SH3PXD2B: variants seen among roughly 807,000 people sequenced by gnomAD.
SH3PXD2B encodes the protein SH3 and PX domain-containing protein 2B.
In SH3PXD2B, 37 loss-of-function variants were observed where a neutral mutation model predicts 73.1. The observed-to-expected ratio is 0.51, with a 90% confidence interval of 0.39 to 0.67. The LOEUF (loss-of-function observed/expected upper bound fraction) is 0.67. SH3PXD2B is among the 30% of genes least tolerant of loss of function. The probability of loss-of-function intolerance (pLI) is 0.00; values close to 1 mark genes in which losing one functional copy is unlikely to be tolerated. For missense variants in SH3PXD2B, 1,053 were observed against 1,197.8 expected (o/e 0.88, Z 1.78); for synonymous variants, 457 against 480.5 (o/e 0.95, Z 0.64).
rs150202442 is a variant in SH3PXD2B at position 172,381,883 on chromosome 5, C to G, written c.401+153G>C. ...CAAACGGACGATCGCTACCCACTTA[C>G]AGCAACTCTGAAGGCTAAGTGAAGT... On this transcript the variant is annotated intron_variant, in intron 5 of 12. Transcript: ENST00000311601. The G allele has an allele frequency of 3.7e-4, 228 of 613,338 alleles. No individual in the cohort carries two copies. The African/African-American group carries it at 3.9e-3, about 10-fold the overall frequency. 38.0% of individuals were successfully genotyped at this position (613,338 alleles called of 1,614,324 possible). A position where few individuals can be genotyped will look rare whatever the true frequency, so the allele number is the denominator to read the frequency against.
At chr5:172,327,638 G>A (rs576838911) in intron 12 of SH3PXD2B, among the ~76,000 whole-genome samples, 5 of 152,140 alleles carry the variant, frequency 3.3e-5, no homozygotes, top group African/African-American at 1.2e-4. Context: ...AACCAGACTG[G>A]AGTACAGTGG....
chr5:172,409,290 G>A (rs528103075), intron 2 of SH3PXD2B, among the ~76,000 whole-genome samples: 20 of 152,218 alleles, frequency 1.3e-4, no homozygotes, highest in African/African-American at 4.6e-4. Context: ...ACTGAGGCAG[G>A]AGAATTGCTT....
At position 172,346,327 on chromosome 5, in the gene SH3PXD2B, G is replaced by A. The variant is rs1157858926; in HGVS notation, c.1063-66C>T. 2.5e-6 allele frequency: 4 copies of A among 1,608,554 alleles called. No individual in the cohort carries two copies. In the African/African-American group the frequency reaches 5.3e-5, roughly 21 times the overall value. On this transcript the variant is annotated intron_variant, in intron 11 of 12. Transcript: ENST00000311601. ...CACTCCTGCGACCCTGTGTCAGGGG[G>A]AGTCTAAGGGCCTGGGGCATGCAAT...
chr5:172,369,462 G>T (rs1006461129), intron 6 of SH3PXD2B, among the ~76,000 whole-genome samples: 6 of 152,042 alleles, frequency 3.9e-5, no homozygotes, highest in African/African-American at 1.4e-4. Context: ...TCTGAATGAA[G>T]GAAGGAACAG....
chr5:172,406,146 A>G (rs1758550697), intron 3 of SH3PXD2B, 131 bp downstream of exon 3: 10 of 1,077,666 alleles, frequency 9.3e-6, no homozygotes, highest in Non-Finnish European at 1.4e-5. Flanking sequence ...ATTTCTACAA[A>G]TGGCTGAGAT....
intron 1 of SH3PXD2B, among the ~76,000 whole-genome samples, chr5:172,447,535 T>G (rs1196792014): frequency 1.3e-5 from 2 of 152,198 alleles, no homozygotes; most frequent in Admixed American, 6.5e-5. Flanking sequence ...CTAGGCCCCT[T>G]TAACTCTCAC....
At chr5:172,399,039 C>T (rs1758370917) in intron 3 of SH3PXD2B, among the ~76,000 whole-genome samples, 1 of 152,190 alleles carries the variant, frequency 6.6e-6, no homozygotes, top group African/African-American at 2.4e-5. Context: ...ATTGGACAGG[C>T]TCAGTGTAGA....
chr5:172,439,293 C>CAAAAAAAAAAAAAAAAAAAAAAAA (rs1233319484), intron 1 of SH3PXD2B, among the ~76,000 whole-genome samples: 1 of 61,590 alleles, frequency 1.6e-5, no homozygotes, highest in African/African-American at 8.3e-5. Flanking sequence ...AAAAAAAAAC[C>CAAAAAAAAAAAAAAAAAAAAAAAA]CCAAAAAAAA....
chr5:172,348,598 C>T (rs1757048729), intron 10 of SH3PXD2B, among the ~76,000 whole-genome samples: 1 of 151,314 alleles, frequency 6.6e-6, no homozygotes, highest in Non-Finnish European at 1.5e-5. Flanking sequence ...AGGGGGGTGT[C>T]TTTGTTTTAG....
In SH3PXD2B at chr5:172,333,858, C is replaced by T. The variant is rs1025708584; in HGVS notation, c.*4511G>A. On this transcript the variant is annotated 3_prime_UTR_variant, in exon 13 of 13. Transcript: ENST00000311601. ...AATCAAGGTGGCCACAGTTTATCATCACCCCTCTAAGTGAAAGGGGCGCTA... is the reference window on the plus strand; with the variant it reads ...AATCAAGGTGGCCACAGTTTATCATTACCCCTCTAAGTGAAAGGGGCGCTA... The T allele has an allele frequency of 6.2e-6, 8 of 1,283,986 alleles. No individual in the cohort carries two copies. The African/African-American group carries it at 1.2e-4, about 20-fold the overall frequency. 79.5% of individuals were successfully genotyped at this position (1,283,986 alleles called of 1,614,324 possible).
chr5:172,357,759 C>T (rs1045863090), intron 8 of SH3PXD2B, among the ~76,000 whole-genome samples: 1 of 152,222 alleles, frequency 6.6e-6, no homozygotes, highest in African/African-American at 2.4e-5. Context: ...AGATGTTTTA[C>T]TGAGGGGCGT....
chr5:172,440,139 AT>A (rs1759521416), intron 1 of SH3PXD2B, among the ~76,000 whole-genome samples: 2 of 152,184 alleles, frequency 1.3e-5, no homozygotes, highest in Admixed American at 1.3e-4. Flanking sequence ...TGGGTGAAAG[AT>A]TTCAAGTGAG....
At chr5:172,380,486 T>C (rs1409543801) in intron 5 of SH3PXD2B, among the ~76,000 whole-genome samples, 1 of 152,232 alleles carries the variant, frequency 6.6e-6, no homozygotes, top group Non-Finnish European at 1.5e-5. Flanking sequence ...AGTTCAATCC[T>C]GTAAGCCCAG....
chr5:172,325,629 C>G (rs1398479143), intron 12 of SH3PXD2B, among the ~76,000 whole-genome samples: 1 of 152,160 alleles, frequency 6.6e-6, no homozygotes, highest in African/African-American at 2.4e-5. Flanking sequence ...GGGGGATGAT[C>G]GCTGTGTCCT....
downstream of SH3PXD2B, among the ~76,000 whole-genome samples, chr5:172,331,864 C>T (rs10040898): frequency 0.51 from 77,964 of 151,994 alleles, 20,369 homozygotes; most frequent in South Asian, 0.73. Context: ...AAGAATCGCT[C>T]GAGCCTGGGA....
intron 3 of SH3PXD2B, among the ~76,000 whole-genome samples, chr5:172,396,680 C>T (rs1758308191): frequency 1.4e-5 from 2 of 145,694 alleles, no homozygotes; most frequent in South Asian, 4.4e-4. Flanking sequence ...GGTGCGGTGG[C>T]TCACGCCTGT....
chr5:172,390,815 T>TGTGTGTGTGTGTGTGTG (rs1758168687), intron 4 of SH3PXD2B, among the ~76,000 whole-genome samples: 2 of 139,898 alleles, frequency 1.4e-5, no homozygotes, highest in African/African-American at 5.4e-5. Context: ...TTCCCGTCTT[T>TGTGTGTGTGTGTGTGTG]TGTGTGTGTG....
At position 172,353,274 on chromosome 5, in the gene SH3PXD2B, A is replaced by C. The variant is rs1366011364; in HGVS notation, c.785+614T>G. Among the ~76,000 whole-genome samples, 2 of 152,086 alleles carry C rather than the reference A, an allele frequency of 1.3e-5. No individual in the cohort carries two copies. Among genetic ancestry groups the C allele is most frequent in the East Asian group, 3.9e-4 (2 of 5,192 alleles). On this transcript the variant is annotated intron_variant, in intron 9 of 12. Transcript: ENST00000311601. This position sits in a 1 kb window ranked among gnomAD's most constrained non-coding sequence, Gnocchi z 4.3. Reference sequence around the variant, plus strand: ...GGACCTCGGCTTCCTCTCTTGCCCTAATTTCCCATGGTCACATCCTGCCTA... The same window carrying C: ...GGACCTCGGCTTCCTCTCTTGCCCTCATTTCCCATGGTCACATCCTGCCTA...
intron 2 of SH3PXD2B, among the ~76,000 whole-genome samples, chr5:172,411,527 C>T (rs1758694384): frequency 6.6e-6 from 1 of 152,146 alleles, no homozygotes; most frequent in African/African-American, 2.4e-5. Context: ...GCTGGGGACC[C>T]AACAGCCCTG....
Sources: allele counts gnomAD v4.1 joint callset (sites outside exome capture counted in the v4.1 genomes callset), GRCh38; gene constraint gnomAD v4.1.1; non-coding constraint Gnocchi (gnomAD v3.1); transcripts MANE v1.5; gene names NCBI Gene and HGNC (gene_info 2026-07-23, HGNC 2026-07-21).